LAMA2: variants seen among roughly 807,000 people sequenced by gnomAD.
The protein encoded by LAMA2 is laminin subunit alpha 2, also known as laminin subunit alpha-2.
A neutral mutation model predicts 364.8 loss-of-function variants in LAMA2; 269 were observed. The ratio of observed to expected loss-of-function variants is 0.74; its 90% confidence interval spans 0.67 to 0.82. The LOEUF is 0.82. Among genes scored for constraint, LAMA2 ranks in the 40% least tolerant of loss-of-function variants. The pLI is 0.00. For synonymous variants in LAMA2, 1,379 were observed against 1,370.6 expected (o/e 1.01, Z -0.14); for missense variants, 3,807 against 3,873.2 (o/e 0.98, Z 0.45).
At chr6:129,136,848 T>C (rs961698020) in intron 4 of LAMA2, among the ~76,000 whole-genome samples, 4 of 152,240 alleles carry the variant, frequency 2.6e-5, no homozygotes, top group Middle Eastern at 3.4e-3. Flanking sequence ...CAGTAATGAT[T>C]TACAGCTTTT....
chr6:128,991,005 G>A (rs75842354), intron 1 of LAMA2, among the ~76,000 whole-genome samples: 3,164 of 152,082 alleles, frequency 0.021, 112 homozygotes, highest in African/African-American at 0.072. Flanking sequence ...TTTCTTTAGT[G>A]TTTGATGAGG....
intron 1 of LAMA2, among the ~76,000 whole-genome samples, chr6:129,038,845 G>C (rs1786872463): frequency 6.6e-6 from 1 of 152,140 alleles, no homozygotes; most frequent in Non-Finnish European, 1.5e-5. Flanking sequence ...GATGAATGTT[G>C]GACAGCCAAG....
At chr6:129,317,986 C>T (rs975707946) in intron 27 of LAMA2, among the ~76,000 whole-genome samples, 1 of 151,390 alleles carries the variant, frequency 6.6e-6, no homozygotes, top group Non-Finnish European at 1.5e-5. Flanking sequence ...TTTAAGTGAC[C>T]GTTTTTTTGA....
intron 1 of LAMA2, among the ~76,000 whole-genome samples, chr6:129,030,578 A>G (rs1786154604): frequency 6.6e-6 from 1 of 152,194 alleles, no homozygotes; most frequent in Non-Finnish European, 1.5e-5. Flanking sequence ...GGATAAAGTG[A>G]AAATGCTTTG....
intron 3 of LAMA2, among the ~76,000 whole-genome samples, chr6:129,083,885 T>G (rs1446393395): frequency 6.6e-6 from 1 of 152,196 alleles, no homozygotes; most frequent in Non-Finnish European, 1.5e-5. Context: ...TATTATGTTT[T>G]GTAATCCTCA....
rs1583550979 is a variant in LAMA2, at chr6:129,349,319, A to C, written c.4458A>C (p.Ala1486=). The change falls in exon 31 of 65, where the codon GCA becomes GCC. Residue 1486 remains alanine (A), a synonymous_variant. Transcript: ENST00000421865. The part of the protein sequence containing the change: ...SSNNFSPSCV[A]EGLDDYRCTA... ...TCAGTTTCAGCCCCTCTTGTGTCGC[A>C]GAAGGACTTGACGACTACCGCTGCA... The C allele has an allele frequency of 6.2e-7, 1 of 1,613,612 alleles. No homozygotes were observed.
At position 129,465,229 on chromosome 6, in the gene LAMA2, A is replaced by C; in HGVS notation, c.7240A>C (p.Asn2414His). ...CTCAGGAATGGCTTCCGTTGTCAGC[A>C]ATCAAAACCATAATGATGGGAAATG... ...LGSGMASVVS[N>H]QNHNDGKWKS... is the part of the protein sequence containing the mutation. Residue 2414 changes from asparagine to histidine, a missense_variant, in exon 51 of 65, where the codon AAT becomes CAT. This residue lies in a region of LAMA2 where 3,333 missense variants were observed against 3,345.7 expected (regional missense o/e 1.00). Transcript: ENST00000421865. 1 of 1,611,822 alleles carries C rather than the reference A, an allele frequency of 6.2e-7. No individual in the cohort carries two copies. Among genetic ancestry groups the C allele is most frequent in the Non-Finnish European group, 8.5e-7 (1 of 1,178,450 alleles).
At chr6:128,919,666 A>G (rs1024204160) in intron 1 of LAMA2, among the ~76,000 whole-genome samples, 1 of 152,132 alleles carries the variant, frequency 6.6e-6, no homozygotes, top group African/African-American at 2.4e-5. Flanking sequence ...GCCCTCCCCC[A>G]TTTGTTTGTT....
intron 20 of LAMA2, among the ~76,000 whole-genome samples, chr6:129,295,283 G>GTTTAGAAT (rs5879942): frequency 0.69 from 104,449 of 151,666 alleles, 36,919 homozygotes; most frequent in Non-Finnish European, 0.77. Context: ...TTTGTAAAGG[G>GTTTAGAAT]TTTAGAATTG....
intron 16 of LAMA2, among the ~76,000 whole-genome samples, chr6:129,268,335 T>C (rs1787655326): frequency 6.6e-6 from 1 of 151,886 alleles, no homozygotes; most frequent in African/African-American, 2.4e-5. Flanking sequence ...TCTTTTAAAA[T>C]GTACTTTGGG....
At chr6:128,884,860 T>C (rs1381923236) in intron 1 of LAMA2, among the ~76,000 whole-genome samples, 1 of 152,214 alleles carries the variant, frequency 6.6e-6, no homozygotes, top group Non-Finnish European at 1.5e-5. Context: ...CCAATCCTTA[T>C]GTCCACTTGG....
At chr6:129,477,714 T>TTTG (rs143030533) in intron 53 of LAMA2, among the ~76,000 whole-genome samples, 52,465 of 151,900 alleles carry the variant, frequency 0.35, 10,225 homozygotes, top group African/African-American at 0.54. Context: ...GTTGCTTTAT[T>TTTG]TTGTTATTGT....
intron 53 of LAMA2, among the ~76,000 whole-genome samples, chr6:129,477,938 A>G (rs911775874): frequency 6.6e-6 from 1 of 151,970 alleles, no homozygotes; most frequent in Non-Finnish European, 1.5e-5. Context: ...GCACACACCA[A>G]CATGCCCAGC....
intron 12 of LAMA2, among the ~76,000 whole-genome samples, chr6:129,216,182 C>A (rs1265299823): frequency 6.6e-6 from 1 of 152,274 alleles, no homozygotes; most frequent in East Asian, 1.9e-4. Flanking sequence ...CTACATTCTG[C>A]AGATTAAACA....
At chr6:129,041,261 G>C (rs1787073245) in intron 1 of LAMA2, among the ~76,000 whole-genome samples, 1 of 152,116 alleles carries the variant, frequency 6.6e-6, no homozygotes, top group African/African-American at 2.4e-5. Context: ...TCATTGACTT[G>C]TGTAGTGCTT....
chr6:129,458,523 A>G (rs1404442897), intron 48 of LAMA2, among the ~76,000 whole-genome samples: 1 of 151,974 alleles, frequency 6.6e-6, no homozygotes, highest in East Asian at 1.9e-4. Context: ...AATCTCTCAA[A>G]TATAGCTTTT....
At chr6:129,251,635 A>T (rs978774893) in intron 13 of LAMA2, among the ~76,000 whole-genome samples, 4 of 152,168 alleles carry the variant, frequency 2.6e-5, no homozygotes, top group African/African-American at 9.6e-5. Flanking sequence ...CCAACCTGAA[A>T]ATAAAAGTCT....
At chr6:129,036,785 TG>T (rs1786668637) in intron 1 of LAMA2, among the ~76,000 whole-genome samples, 1 of 152,224 alleles carries the variant, frequency 6.6e-6, no homozygotes, top group Non-Finnish European at 1.5e-5. Context: ...TTACTCTCTT[TG>T]GTTTTGTTTG....
intron 55 of LAMA2, 137 bp downstream of exon 55, chr6:129,481,576 C>T (rs1784351921): frequency 2.7e-6 from 2 of 750,278 alleles, no homozygotes; most frequent in African/African-American, 1.7e-5. Context: ...TCCATATTTC[C>T]ATGCTGGCCT....
Sources: gnomAD v4.1 joint callset for allele counts (sites outside exome capture counted in the v4.1 genomes callset) on GRCh38, gnomAD v4.1.1 for gene constraint, gnomAD v4.1.1 regional missense constraint, MANE v1.5 for transcripts, NCBI Gene and HGNC (gene_info 2026-07-23, HGNC 2026-07-21) for gene names.